The following TMEM63A variants were observed in gnomAD, a reference collection of about 807,000 sequenced individuals.
The protein encoded by TMEM63A is mechanosensitive cation channel TMEM63A.
In TMEM63A, 76 loss-of-function variants were observed where a neutral mutation model predicts 100.6. The observed-to-expected ratio is 0.76, with a 90% CI of 0.63 to 0.91. The LOEUF is 0.91. Ranked by LOEUF, TMEM63A falls within the 40% of genes least tolerant of loss-of-function variation. TMEM63A has a pLI of 0.00. For missense variants in TMEM63A, 876 were observed against 1,008.8 expected (o/e 0.87, Z 1.78); for synonymous variants, 401 against 401.1 (o/e 1.00, Z 0.00).
At chr1:225,872,695 T>C (rs916051458) in intron 4 of TMEM63A, among the ~76,000 whole-genome samples, 3 of 141,714 alleles carry the variant, frequency 2.1e-5, no homozygotes, top group African/African-American at 7.9e-5. Context: ...TCTTCTTTTT[T>C]TTTTTTTTTT....
In TMEM63A at chr1:225,877,382, T is replaced by C. The variant is rs755403564; in HGVS notation, c.186+13A>G. 9 of 1,606,088 alleles carry C rather than the reference T, an allele frequency of 5.6e-6. No individual in the cohort carries two copies. Among genetic ancestry groups the C allele is most frequent in the African/African-American group, 4.0e-5 (3 of 74,776 alleles). ...AACTGAGGCAGTGGGACACGACTCA[T>C]GAGGGCTCTCACCAGGAAGCAGCTG... On this transcript the variant is annotated intron_variant, in intron 3 of 24. Transcript: ENST00000366835.
At chr1:225,849,633 TCAACACCACACC>T (rs1669223531) in intron 21 of TMEM63A, among the ~76,000 whole-genome samples, 1 of 152,154 alleles carries the variant, frequency 6.6e-6, no homozygotes. Context: ...AGCCAGGCTG[TCAACACCACACC>T]CAACCAGCCC....
intron 24 of TMEM63A, 32 bp from the exon 25 acceptor site, chr1:225,846,964 G>A: frequency 1.3e-6 from 2 of 1,489,156 alleles, no homozygotes; most frequent in Non-Finnish European, 1.8e-6. Context: ...CATGAACTTG[G>A]GAGTCAGGCC....
downstream of TMEM63A, chr1:225,845,282 T>C (rs1668864274): frequency 6.2e-7 from 1 of 1,613,230 alleles, no homozygotes; most frequent in African/African-American, 1.3e-5. Context: ...CTTTGCGGCC[T>C]TTGAGGAGCC....
At chr1:225,850,132 T>A (rs1313542443) in intron 20 of TMEM63A, 53 bp from the exon 21 acceptor site, 5 of 1,587,150 alleles carry the variant, frequency 3.2e-6, no homozygotes, top group East Asian at 4.5e-5. Context: ...CACAGACACC[T>A]CTGTCCTCTT....
rs572303390 is a variant in TMEM63A, at chr1:225,847,101, G to C, written c.2363C>G (p.Pro788Arg). 1 of 1,613,816 alleles carries C rather than the reference G, an allele frequency of 6.2e-7. No individual in the cohort carries two copies. The highest frequency in any genetic ancestry group is 1.3e-5 in the African/African-American group (1 of 74,962). ...GAIHNISGTIPGQCLAQSATG... is the reference protein window; with the variant it reads ...GAIHNISGTIRGQCLAQSATG... ...GGCGCTCTGCGCCAAGCACTGTCCA[G>C]GGATAGTCCCGCTGATGTTGTGGAT... Residue 788 changes from proline to arginine, a missense_variant, in exon 24 of 25, where the codon CCT becomes CGT. Coordinates refer to ENST00000366835, the MANE Select transcript of TMEM63A (RefSeq NM_014698.3).
intron 20 of TMEM63A, 118 bp from the exon 21 acceptor site, chr1:225,850,197 T>A: frequency 8.3e-7 from 1 of 1,208,858 alleles, no homozygotes; most frequent in Admixed American, 2.3e-5. Context: ...GCTGCTCTAC[T>A]GCCTGAACAC....
intron 23 of TMEM63A, 153 bp from the exon 24 acceptor site, chr1:225,847,366 AAT>A: frequency 1.1e-6 from 1 of 888,544 alleles, no homozygotes; most frequent in Non-Finnish European, 1.7e-6. Flanking sequence ...TAAGACCGAA[AAT>A]ATGACACCTG....
chr1:225,842,643 G>A (rs1668525531), downstream of TMEM63A, among the ~76,000 whole-genome samples: 1 of 152,226 alleles, frequency 6.6e-6, no homozygotes, highest in African/African-American at 2.4e-5. Flanking sequence ...TTTTTTGGGT[G>A]AGGTGGCCTG....
chr1:225,877,523 G>A lies in TMEM63A; in HGVS notation c.58C>T (p.Gln20Ter), dbSNP rs781425677. ...TTGGGCCGGTCCCCGAGTCCCAGCTGCTCCCTGATGGACACTGCCTTGGAC... is the reference window on the plus strand; with the variant it reads ...TTGGGCCGGTCCCCGAGTCCCAGCTACTCCCTGATGGACACTGCCTTGGAC... ...WQSKAVSIRE[Q>*]LGLGDRPNDS... Residue 20 changes from glutamine (Q) to a stop codon, truncating the protein, a stop_gained, in exon 3 of 25, where the codon CAG (glutamine) becomes TAG (stop). Coordinates refer to ENST00000366835, the MANE Select transcript of TMEM63A (RefSeq NM_014698.3). LOFTEE classifies it high-confidence loss of function. The A allele has an allele frequency of 6.2e-7, 1 of 1,614,212 alleles. No individual in the cohort carries two copies. Among genetic ancestry groups the A allele is most frequent in the Admixed American group, 1.7e-5 (1 of 60,022 alleles).
intron 6 of TMEM63A, 105 bp downstream of exon 6, chr1:225,870,971 A>G: frequency 8.4e-7 from 1 of 1,192,440 alleles, no homozygotes; most frequent in East Asian, 2.4e-5. Flanking sequence ...TATCTAAGAG[A>G]CACCATCTTA....
Position 225,866,253 on chromosome 1 carries a change from C to G in TMEM63A, c.676-286G>C, listed in dbSNP as rs530315010. 6 of 522,824 alleles carry G rather than the reference C, an allele frequency of 1.1e-5. No homozygotes were observed. The South Asian group carries it at 1.3e-4, about 11-fold the overall frequency. The allele number at this position is 522,824 out of a possible 1,614,324, so 32.4% of individuals were successfully genotyped here. A position where few individuals can be genotyped will look rare whatever the true frequency, so the allele number is the denominator to read the frequency against. On this transcript the variant is annotated intron_variant, in intron 9 of 24. Transcript: ENST00000366835. Reference sequence around the variant, plus strand: ...ACTCAAATGCGGTCACACAGCAGATCAGAGGAGGACCCAGGCCTGGAACCA... The same window carrying G: ...ACTCAAATGCGGTCACACAGCAGATGAGAGGAGGACCCAGGCCTGGAACCA...
At chr1:225,842,684 T>C (rs528421874), downstream of TMEM63A, among the ~76,000 whole-genome samples, 1 of 152,350 alleles carries the variant, frequency 6.6e-6, no homozygotes, top group South Asian at 2.1e-4. Context: ...CAGTGCATGG[T>C]CAAGACTAGG....
chr1:225,844,263 G>A (rs1343990906), downstream of TMEM63A, among the ~76,000 whole-genome samples: 2 of 151,116 alleles, frequency 1.3e-5, no homozygotes, highest in African/African-American at 2.4e-5. Context: ...TAGAGGCAAG[G>A]TGGGTGGGGG....
At chr1:225,850,615 A>G (rs997111615) in intron 20 of TMEM63A, among the ~76,000 whole-genome samples, 3 of 152,198 alleles carry the variant, frequency 2.0e-5, no homozygotes, top group Admixed American at 6.5e-5. Flanking sequence ...AGTCTGTACT[A>G]AATAAATGCG....
At chr1:225,871,914 G>T in intron 5 of TMEM63A, 73 bp downstream of exon 5, 1 of 1,184,708 alleles carries the variant, frequency 8.4e-7, no homozygotes, top group Non-Finnish European at 1.3e-6. Context: ...GATCCGCCCT[G>T]CTCCCTCCCC....
At chr1:225,876,527 G>A (rs933944340) in intron 3 of TMEM63A, among the ~76,000 whole-genome samples, 4 of 152,208 alleles carry the variant, frequency 2.6e-5, no homozygotes, top group South Asian at 2.1e-4. Context: ...GCCAGCCAAC[G>A]TTGAGTCTGC....
chr1:225,870,942 T>G, intron 6 of TMEM63A, 134 bp downstream of exon 6: 1 of 909,314 alleles, frequency 1.1e-6, no homozygotes, highest in Non-Finnish European at 1.7e-6. Flanking sequence ...ACATACTGCT[T>G]TGGACATTAA....
Position 225,862,382 on chromosome 1 carries a change from G to A in TMEM63A, c.952-31C>T, listed in dbSNP as rs1408467167. 5.0e-6 allele frequency: 8 copies of A among 1,613,964 alleles called. No homozygotes were observed. Among genetic ancestry groups the A allele is most frequent in the East Asian group, 2.2e-5 (1 of 44,878 alleles). ...ACAAGACACATCCCATTGGGATGAC[G>A]TGGCCCCATGCTGGTATCTGGGGCA... On this transcript the variant is annotated intron_variant, in intron 12 of 24. Coordinates refer to ENST00000366835, the MANE Select transcript of TMEM63A (RefSeq NM_014698.3). This position sits in a 1 kb window ranked among gnomAD's most constrained non-coding sequence, Gnocchi z 5.1.
Sources: allele counts gnomAD v4.1 joint callset (sites outside exome capture counted in the v4.1 genomes callset), GRCh38; gene constraint gnomAD v4.1.1; non-coding constraint Gnocchi (gnomAD v3.1); transcripts MANE v1.5; gene names NCBI Gene and HGNC (gene_info 2026-07-23, HGNC 2026-07-21).